DDI2: variants seen among roughly 807,000 people sequenced by gnomAD.
The protein encoded by DDI2 is protein DDI1 homolog 2.
Under a neutral mutation model 48.1 loss-of-function variants are expected in DDI2, and 5 were observed. The ratio of observed to expected loss-of-function variants is 0.10; its 90% CI spans 0.05 to 0.22. DDI2 has a LOEUF of 0.22. Ranked by LOEUF, DDI2 falls within the 10% of genes least tolerant of loss-of-function variation. The pLI, the probability that DDI2 is intolerant of heterozygous loss-of-function variation, is 1.00. For missense variants in DDI2, 285 were observed against 506.2 expected (o/e 0.56, Z 4.19); for synonymous variants, 205 against 183.6 (o/e 1.12, Z -0.94).
chr1:15,641,621 G>A (rs1030798114), intron 5 of DDI2, among the ~76,000 whole-genome samples: 2 of 151,984 alleles, frequency 1.3e-5, no homozygotes, highest in African/African-American at 4.8e-5. Flanking sequence ...CTTTTGCAAG[G>A]GAATGGCAGT....
chr1:15,629,260 T>A (rs1318044160), intron 2 of DDI2, among the ~76,000 whole-genome samples: 2 of 152,214 alleles, frequency 1.3e-5, no homozygotes, highest in African/African-American at 4.8e-5. Flanking sequence ...ACTTGCAGAA[T>A]TTAGCATCTA....
intron 5 of DDI2, among the ~76,000 whole-genome samples, chr1:15,640,318 T>C (rs769451015): frequency 3.9e-5 from 6 of 152,226 alleles, no homozygotes; most frequent in Non-Finnish European, 8.8e-5. Context: ...TATCTCTATG[T>C]ACTTTGTTCT....
At chr1:15,634,004 G>T (rs1234276400) in intron 4 of DDI2, 1 of 310,108 alleles carries the variant, frequency 3.2e-6, no homozygotes, top group Admixed American at 4.4e-5. Context: ...GCTCTGCGCC[G>T]ATGGAACGTT....
In DDI2 at chr1:15,661,474, C is replaced by T. The variant is rs775777985; in HGVS notation, c.*1684C>T. 5.8e-5 allele frequency: 93 copies of T among 1,613,742 alleles called. No individual in the cohort carries two copies. The highest frequency in any genetic ancestry group is 7.7e-5 in the Non-Finnish European group (91 of 1,179,842). ...CATACAGAATTCAGTAACAGACAGG[C>T]CTGAAACCAGAGAAAATGTCTGTCC... is the stretch of plus-strand genomic sequence containing the variant. On this transcript the variant is annotated 3_prime_UTR_variant, in exon 10 of 10. Transcript: ENST00000480945.
At chr1:15,649,945 A>C (rs1640152338) in intron 7 of DDI2, 122 bp downstream of exon 7, 1 of 905,046 alleles carries the variant, frequency 1.1e-6, no homozygotes, top group African/African-American at 1.7e-5. Flanking sequence ...AAACCTGGAA[A>C]TGTCCTTAAA....
intron 1 of DDI2, among the ~76,000 whole-genome samples, chr1:15,623,148 G>A (rs1639696375): frequency 1.3e-5 from 2 of 152,154 alleles, no homozygotes; most frequent in Admixed American, 6.6e-5. Context: ...GAGTCAGAGC[G>A]GGCAGTTGGT....
Position 15,661,944 on chromosome 1 carries a change from TTTAAATGTATTGGCAGTATGTGCATAC to T in DDI2, c.*2155_*2181del. The stretch of plus-strand genomic sequence containing the variant: ...TCCTACTTGTTAAAATTTAGGCCTT[TTTAAATGTATTGGCAGTATGTGCATAC>T]AGAAGCTTTTTATTCTCATTAAGAT... On this transcript the variant is annotated 3_prime_UTR_variant, in exon 10 of 10. Coordinates refer to ENST00000480945, the MANE Select transcript of DDI2 (RefSeq NM_032341.5). 1.8e-6 allele frequency: 1 copy of T among 550,128 alleles called. No homozygotes were observed. The highest frequency in any genetic ancestry group is 3.9e-5 in the South Asian group (1 of 25,800). 34.1% of individuals were successfully genotyped at this position (550,128 alleles called of 1,614,324 possible).
chr1:15,630,771 AC>A (rs1364448808), intron 3 of DDI2, among the ~76,000 whole-genome samples: 1 of 151,958 alleles, frequency 6.6e-6, no homozygotes, highest in South Asian at 2.1e-4. Flanking sequence ...CATCTAGGCC[AC>A]CCCCCTTGGT....
chr1:15,642,431 G>A (rs373135275), intron 5 of DDI2, among the ~76,000 whole-genome samples: 1 of 152,268 alleles, frequency 6.6e-6, no homozygotes, highest in South Asian at 2.1e-4. Flanking sequence ...CCAGTGTGGG[G>A]TTTTTGTTTT....
At chr1:15,618,481 T>C (rs192608174) in intron 1 of DDI2, among the ~76,000 whole-genome samples, 1 of 152,350 alleles carries the variant, frequency 6.6e-6, no homozygotes, top group East Asian at 1.9e-4. Context: ...GGTTCTACCC[T>C]GGTAGTAAGC....
chr1:15,637,072 T>C (rs886179578), intron 4 of DDI2, among the ~76,000 whole-genome samples: 1 of 152,226 alleles, frequency 6.6e-6, no homozygotes, highest in African/African-American at 2.4e-5. Flanking sequence ...TAGTATTTGA[T>C]AATGTTTTTA....
At chr1:15,653,275 TTA>T (rs146785298) in intron 8 of DDI2, among the ~76,000 whole-genome samples, 31,418 of 151,334 alleles carry the variant, frequency 0.21, 3,389 homozygotes, top group Middle Eastern at 0.25. Flanking sequence ...TTTATTTATT[TTA>T]TTTTATTTTA....
At chr1:15,649,873 G>A (rs1640151103) in intron 7 of DDI2, 50 bp downstream of exon 7, 1 of 1,529,878 alleles carries the variant, frequency 6.5e-7, no homozygotes, top group Non-Finnish European at 8.9e-7. Context: ...TTGTAATATG[G>A]TCATTATCAC....
intron 3 of DDI2, among the ~76,000 whole-genome samples, chr1:15,632,946 A>ATG (rs1639870042): frequency 1.7e-5 from 2 of 120,174 alleles, no homozygotes; most frequent in African/African-American, 7.0e-5. Context: ...AAAAAAAAAC[A>ATG]GGGTCTCACC....
In DDI2 at chr1:15,660,295, C is replaced by G. The variant is rs1640345995; in HGVS notation, c.*505C>G. The G allele has an allele frequency of 6.2e-7, 1 of 1,614,134 alleles. No individual in the cohort carries two copies. The highest frequency in any genetic ancestry group is 2.2e-5 in the East Asian group (1 of 44,888). Reference sequence around the variant, plus strand: ...TGTCACATCTACTAGGATGCATGAACCACAGATGTTTCTAGGTGAAAAGGA... The same window carrying G: ...TGTCACATCTACTAGGATGCATGAAGCACAGATGTTTCTAGGTGAAAAGGA... On this transcript the variant is annotated 3_prime_UTR_variant, in exon 10 of 10. Coordinates refer to ENST00000480945, the MANE Select transcript of DDI2 (RefSeq NM_032341.5).
At position 15,663,177 on chromosome 1, in the gene DDI2, CAG is replaced by C. The variant is rs961170488; in HGVS notation, c.*3389_*3390del. ...ATTATAGTTTGTAACATGTTTGAAA[CAG>C]AAGCTTCGAAAGAGTGATTTCTCAA... is the stretch of plus-strand genomic sequence containing the variant. On this transcript the variant is annotated 3_prime_UTR_variant, in exon 10 of 10. Transcript: ENST00000480945. 6.6e-6 allele frequency: 1 copy of C among 152,142 alleles called. No homozygotes were observed. The highest frequency in any genetic ancestry group is 2.4e-5 in the African/African-American group (1 of 41,432). The allele number at this position is 152,142 out of a possible 1,614,324, so 9.4% of individuals were successfully genotyped here. A position where few individuals can be genotyped will look rare whatever the true frequency, so the allele number is the denominator to read the frequency against.
At position 15,660,394 on chromosome 1, in the gene DDI2, T is replaced by C; in HGVS notation, c.*604T>C. 1.2e-6 allele frequency: 2 copies of C among 1,613,912 alleles called. No individual in the cohort carries two copies. The highest frequency in any genetic ancestry group is 1.7e-6 in the Non-Finnish European group (2 of 1,179,966). On this transcript the variant is annotated 3_prime_UTR_variant, in exon 10 of 10. Transcript: ENST00000480945. ...GCACGAAGAACCAGGGAATGAACAG[T>C]ATGAGGTTGCACAACAAAAAGCTTC...
chr1:15,656,632 G>A lies in DDI2; in HGVS notation c.1199G>A (p.Ter400=), dbSNP rs1640277421. 6.2e-7 allele frequency: 1 copy of A among 1,614,062 alleles called. No homozygotes were observed. Among genetic ancestry groups the A allele is most frequent in the Admixed American group, 1.7e-5 (1 of 60,006 alleles). ...SAEDAERQKP[*] ...ATTCACACAGAGCGTCAGAAGCCAT[G>A]ATGCATGTAGTGTGTGTGTACTGCA... The change falls in exon 9 of 10, where the codon TGA becomes TAA. Residue 400 remains the stop codon, a stop_retained_variant. Transcript: ENST00000480945.
intron 8 of DDI2, among the ~76,000 whole-genome samples, chr1:15,655,678 G>C (rs1009695943): frequency 6.6e-6 from 1 of 151,638 alleles, no homozygotes; most frequent in African/African-American, 2.4e-5. Context: ...GCTTGAAGCC[G>C]GGAAGCAGAG....
Sources: allele counts gnomAD v4.1 joint callset (sites outside exome capture counted in the v4.1 genomes callset), GRCh38; gene constraint gnomAD v4.1.1; transcripts MANE v1.5; gene names NCBI Gene and HGNC (gene_info 2026-07-23, HGNC 2026-07-21).